Variants in CHN2 observed in about 807,000 individuals in gnomAD.
The protein encoded by CHN2 is beta-chimaerin.
Under a neutral mutation model 56.3 loss-of-function variants are expected in CHN2, and 35 were observed. The ratio of observed to expected loss-of-function variants is 0.62; its 90% confidence interval spans 0.47 to 0.82. The LOEUF (loss-of-function observed/expected upper bound fraction) is 0.82, where lower values mean the gene tolerates loss of function less well. CHN2 is among the 40% of genes least tolerant of loss of function. The probability of loss-of-function intolerance (pLI) is 0.00; values close to 1 mark genes in which losing one functional copy is unlikely to be tolerated. For synonymous variants in CHN2, 210 were observed against 212.8 expected, an observed-to-expected ratio of 0.99 and a Z score of 0.12; for missense variants, 491 against 580.5, an observed-to-expected ratio of 0.85 and a Z score of 1.58.
chr7:29,355,245 A>G (rs1187238743), intron 2 of CHN2, among the ~76,000 whole-genome samples: 1 of 152,154 alleles, frequency 6.6e-6, no homozygotes, highest in Non-Finnish European at 1.5e-5. Context: ...TGCTGGGATT[A>G]CAGGCATGAG....
intron 1 of CHN2, among the ~76,000 whole-genome samples, chr7:29,236,397 T>C (rs1042308146): frequency 1.3e-5 from 2 of 152,344 alleles, no homozygotes; most frequent in South Asian, 4.1e-4. Context: ...AGTAAATACA[T>C]TGGTTGTCCT....
chr7:29,499,086 A>G (rs1334304504), intron 8 of CHN2, among the ~76,000 whole-genome samples: 1 of 152,196 alleles, frequency 6.6e-6, no homozygotes, highest in Non-Finnish European at 1.5e-5. Context: ...CATCAGAGAA[A>G]TTCCGTCAGT....
At chr7:29,225,457 T>C (rs894400481) in intron 1 of CHN2, among the ~76,000 whole-genome samples, 7 of 152,150 alleles carry the variant, frequency 4.6e-5, no homozygotes, top group African/African-American at 1.4e-4. Flanking sequence ...AACCAATATA[T>C]GAAAAACTGT....
intron 2 of CHN2, among the ~76,000 whole-genome samples, chr7:29,155,478 C>T (rs1794232077): frequency 6.6e-6 from 1 of 152,174 alleles, no homozygotes; most frequent in African/African-American, 2.4e-5. Flanking sequence ...TTATATTCTC[C>T]ATTTTCTAAT....
chr7:29,295,705 G>A (rs903473375), intron 1 of CHN2, among the ~76,000 whole-genome samples: 2 of 152,230 alleles, frequency 1.3e-5, no homozygotes, highest in Non-Finnish European at 2.9e-5. Context: ...AGACTTGTCT[G>A]TTGAGCCTAC....
chr7:29,269,935 C>G (rs1395507991), intron 1 of CHN2, among the ~76,000 whole-genome samples: 1 of 152,174 alleles, frequency 6.6e-6, no homozygotes, highest in African/African-American at 2.4e-5. Context: ...ACCACCTGTC[C>G]TATCTACCTA....
chr7:29,343,074 A>G (rs1797164865), intron 1 of CHN2, among the ~76,000 whole-genome samples: 1 of 152,232 alleles, frequency 6.6e-6, no homozygotes, highest in African/African-American at 2.4e-5. Context: ...CATTCCTTTG[A>G]TGAAAATAAT....
At chr7:29,392,303 T>C (rs1160363253) in intron 3 of CHN2, among the ~76,000 whole-genome samples, 1 of 152,210 alleles carries the variant, frequency 6.6e-6, no homozygotes, top group African/African-American at 2.4e-5. Flanking sequence ...ACATATTCAA[T>C]TCTCATTAAA....
intron 2 of CHN2, among the ~76,000 whole-genome samples, chr7:29,161,067 G>C (rs764084133): frequency 2.6e-5 from 4 of 151,962 alleles, no homozygotes; most frequent in Non-Finnish European, 4.4e-5. Context: ...ATAATACCTA[G>C]AAGCTACCTG....
intron 2 of CHN2, among the ~76,000 whole-genome samples, chr7:29,157,410 GAACTTCTCTA>G (rs1444829125): frequency 1.3e-5 from 2 of 151,620 alleles, no homozygotes; most frequent in Non-Finnish European, 2.9e-5. Flanking sequence ...TCTATATTTA[GAACTTCTCTA>G]GAGAAATGGC....
intron 7 of CHN2, among the ~76,000 whole-genome samples, chr7:29,481,213 TG>T (rs1244393572): frequency 1.3e-5 from 2 of 152,158 alleles, no homozygotes; most frequent in African/African-American, 4.8e-5. Context: ...GTTTGAAAGT[TG>T]GGGAGAGTGG....
rs866023439 is a variant in CHN2, at chr7:29,512,993, T to G, written c.*258T>G. ...ATGTATGTCTGGTTTGCTGGAAGAGTGATTAATACATCTTTAATTTATTAA... is the reference window on the plus strand; with the variant it reads ...ATGTATGTCTGGTTTGCTGGAAGAGGGATTAATACATCTTTAATTTATTAA... On this transcript the variant is annotated 3_prime_UTR_variant, in exon 13 of 13. Coordinates refer to ENST00000222792, the MANE Select transcript of CHN2 (RefSeq NM_004067.4). 1.4e-5 allele frequency: 5 copies of G among 352,452 alleles called. No homozygotes were observed. Among genetic ancestry groups the G allele is most frequent in the Middle Eastern group, 7.8e-4 (1 of 1,274 alleles). 21.8% of individuals were successfully genotyped at this position (352,452 alleles called of 1,614,324 possible).
chr7:29,240,532 T>C (rs1787572515), intron 1 of CHN2, among the ~76,000 whole-genome samples: 1 of 152,224 alleles, frequency 6.6e-6, no homozygotes, highest in Non-Finnish European at 1.5e-5. Context: ...AATTATTTAT[T>C]GAATACCTGC....
At chr7:29,269,342 A>G (rs4722895) in intron 1 of CHN2, among the ~76,000 whole-genome samples, 66,626 of 152,106 alleles carry the variant, frequency 0.44, 15,209 homozygotes, top group East Asian at 0.86. Context: ...TTAACATAAT[A>G]TCTTCCAGTT....
intron 1 of CHN2, among the ~76,000 whole-genome samples, chr7:29,291,575 A>G (rs1792630981): frequency 1.3e-5 from 2 of 152,190 alleles, no homozygotes; most frequent in Admixed American, 6.5e-5. Flanking sequence ...AGTATTTGAC[A>G]TTATTTTAAT....
intron 1 of CHN2, among the ~76,000 whole-genome samples, chr7:29,304,623 T>G (rs1793995005): frequency 6.6e-6 from 1 of 152,226 alleles, no homozygotes; most frequent in African/African-American, 2.4e-5. Context: ...TTTAAGAATT[T>G]GGTCCAAGAC....
intron 1 of CHN2, among the ~76,000 whole-genome samples, chr7:29,248,462 G>A (rs372154243): frequency 2.8e-4 from 43 of 152,144 alleles, no homozygotes; most frequent in East Asian, 1.2e-3. Context: ...TGGGCCCTGC[G>A]TCTCACCCGG....
intron 3 of CHN2, among the ~76,000 whole-genome samples, chr7:29,388,140 C>A (rs1255065790): frequency 6.6e-6 from 1 of 152,144 alleles, no homozygotes; most frequent in African/African-American, 2.4e-5. Flanking sequence ...CTGTTTGAAG[C>A]TTTGCTGCGC....
At chr7:29,423,036 T>A (rs554637833) in intron 6 of CHN2, among the ~76,000 whole-genome samples, 123 of 152,386 alleles carry the variant, frequency 8.1e-4, no homozygotes, top group African/African-American at 2.7e-3. Context: ...GACTTTGGCC[T>A]GTTCGTACCA....
Sources: allele counts gnomAD v4.1 joint callset (sites outside exome capture counted in the v4.1 genomes callset), GRCh38; gene constraint gnomAD v4.1.1; transcripts MANE v1.5; gene names NCBI Gene and HGNC (gene_info 2026-07-23, HGNC 2026-07-21).